CNTN5: variants seen among roughly 807,000 people sequenced by gnomAD.
The protein encoded by CNTN5 is contactin 5, also known as contactin-5.
In CNTN5, 77 loss-of-function variants were observed where a neutral mutation model predicts 129.1. That is an observed-to-expected ratio of 0.60 (90% confidence interval 0.50 to 0.72). The LOEUF (loss-of-function observed/expected upper bound fraction) is 0.72, where lower values mean the gene tolerates loss of function less well. Ranked by LOEUF, CNTN5 falls within the 30% of genes least tolerant of loss-of-function variation. The pLI, the probability that CNTN5 is intolerant of heterozygous loss-of-function variation, is 0.00. For synonymous variants in CNTN5, 509 were observed against 465.6 expected (o/e 1.09, Z -1.20); for missense variants, 1,478 against 1,328.8 (o/e 1.11, Z -1.75).
At chr11:99,538,464 G>T (rs959277746) in intron 2 of CNTN5, among the ~76,000 whole-genome samples, 1 of 152,002 alleles carries the variant, frequency 6.6e-6, no homozygotes, top group African/African-American at 2.4e-5. Context: ...AAAACTGTAG[G>T]CTTAAACACA....
intron 2 of CNTN5, among the ~76,000 whole-genome samples, chr11:99,462,700 A>G (rs780844197): frequency 6.6e-6 from 1 of 152,028 alleles, no homozygotes; most frequent in Admixed American, 6.5e-5. Flanking sequence ...TGAAACCTAT[A>G]CTGTAATTGT....
chr11:99,042,047 A>G (rs1367042655), intron 1 of CNTN5, among the ~76,000 whole-genome samples: 1 of 152,086 alleles, frequency 6.6e-6, no homozygotes, highest in Non-Finnish European at 1.5e-5. Context: ...AAATGTTGCC[A>G]TCAAATTTGT....
At chr11:99,189,649 T>C (rs1398716569) in intron 1 of CNTN5, among the ~76,000 whole-genome samples, 2 of 151,704 alleles carry the variant, frequency 1.3e-5, no homozygotes, top group African/African-American at 4.8e-5. Context: ...TCTATGATGA[T>C]TAGTTATTAG....
chr11:99,818,655 T>C (rs1565566109), intron 3 of CNTN5, among the ~76,000 whole-genome samples: 1 of 152,184 alleles, frequency 6.6e-6, no homozygotes, highest in Non-Finnish European at 1.5e-5. Flanking sequence ...TATTTCTCTT[T>C]AGAGTTCATC....
intron 4 of CNTN5, among the ~76,000 whole-genome samples, chr11:99,829,873 G>C (rs981226410): frequency 6.6e-6 from 1 of 152,064 alleles, no homozygotes; most frequent in Non-Finnish European, 1.5e-5. Context: ...ATATGCTTTC[G>C]GGGGACATAG....
chr11:99,265,031 G>A (rs1405439148), intron 1 of CNTN5, among the ~76,000 whole-genome samples: 1 of 151,838 alleles, frequency 6.6e-6, no homozygotes, highest in Non-Finnish European at 1.5e-5. Flanking sequence ...CCTGTTAAAT[G>A]TATTTAAGAG....
At chr11:99,535,552 A>G (rs1161647699) in intron 2 of CNTN5, among the ~76,000 whole-genome samples, 3 of 152,268 alleles carry the variant, frequency 2.0e-5, no homozygotes, top group Non-Finnish European at 2.9e-5. Flanking sequence ...CTCTGATTCA[A>G]TTGGTCTGGA....
intron 2 of CNTN5, among the ~76,000 whole-genome samples, chr11:99,376,939 G>C (rs1045602783): frequency 6.6e-5 from 10 of 152,170 alleles, no homozygotes; most frequent in African/African-American, 2.4e-4. Context: ...TGCAGGAAGA[G>C]AGACAATACA....
chr11:99,157,825 T>C (rs1027332041), intron 1 of CNTN5, among the ~76,000 whole-genome samples: 4 of 152,132 alleles, frequency 2.6e-5, no homozygotes, highest in Non-Finnish European at 5.9e-5. Flanking sequence ...AACAAATTCC[T>C]GGTTTCAGAA....
chr11:99,730,778 A>G (rs1943504473), intron 3 of CNTN5, among the ~76,000 whole-genome samples: 1 of 152,182 alleles, frequency 6.6e-6, no homozygotes, highest in Admixed American at 6.5e-5. Context: ...ATCACCTCAA[A>G]CATTTATAAT....
At position 99,618,736 on chromosome 11, in the gene CNTN5, G is replaced by A. The variant is rs368423750; in HGVS notation, c.55+62467G>A. 7.4e-4 allele frequency among the ~76,000 whole-genome samples: 112 copies of A among 152,126 alleles called. 1 individual carries two copies. The highest frequency in any genetic ancestry group is 2.6e-3 in the African/African-American group (109 of 41,510). On this transcript the variant is annotated intron_variant, in intron 3 of 24. Coordinates refer to ENST00000524871, the MANE Select transcript of CNTN5 (RefSeq NM_014361.4). ...GTTGCTGATTGTGTCTGTTATACCA[G>A]GCTAATACTTTCACTCTCAGAATAT...
intron 1 of CNTN5, among the ~76,000 whole-genome samples, chr11:99,263,589 G>T (rs80137430): frequency 0.083 from 12,669 of 151,962 alleles, 562 homozygotes; most frequent in South Asian, 0.12. Context: ...TGCTTTGGGG[G>T]AAAAAGGGAG....
In CNTN5 at chr11:100,314,829, A is replaced by C. The variant is rs113995056; in HGVS notation, c.2730+6361A>C. On this transcript the variant is annotated intron_variant, in intron 21 of 24. Coordinates refer to ENST00000524871, the MANE Select transcript of CNTN5 (RefSeq NM_014361.4). ...CTGATTTGGCTGCAGCCTGACTCTG[A>C]TTCTGACCCTAAGTTGGCAGTCAAA... 9.6e-3 allele frequency among the ~76,000 whole-genome samples: 1,462 copies of C among 152,154 alleles called. 21 individuals carry two copies. Among genetic ancestry groups the C allele is most frequent in the African/African-American group, 0.033 (1,384 of 41,526 alleles).
At chr11:99,974,687 A>G (rs969891220) in intron 8 of CNTN5, among the ~76,000 whole-genome samples, 21 of 152,204 alleles carry the variant, frequency 1.4e-4, no homozygotes, top group African/African-American at 4.8e-4. Flanking sequence ...GAATTCATCT[A>G]TAGGGAATGT....
At chr11:99,293,039 C>T (rs1267951064) in intron 1 of CNTN5, among the ~76,000 whole-genome samples, 2 of 152,086 alleles carry the variant, frequency 1.3e-5, no homozygotes, top group African/African-American at 4.8e-5. Flanking sequence ...GGGTTTTCAC[C>T]ATTCAATAAG....
At chr11:99,259,143 A>C (rs868098645) in intron 1 of CNTN5, among the ~76,000 whole-genome samples, 2 of 152,078 alleles carry the variant, frequency 1.3e-5, no homozygotes, top group Non-Finnish European at 2.9e-5. Context: ...ATATGTATGC[A>C]TAAGGTATCA....
At chr11:99,425,009 TG>T (rs1943056674) in intron 2 of CNTN5, among the ~76,000 whole-genome samples, 1 of 152,106 alleles carries the variant, frequency 6.6e-6, no homozygotes, top group Non-Finnish European at 1.5e-5. Context: ...AAACCCATAG[TG>T]GGTAGCTCCT....
intron 24 of CNTN5, 54 bp downstream of exon 24, chr11:100,350,924 G>A: frequency 7.3e-7 from 1 of 1,377,240 alleles, no homozygotes; most frequent in Non-Finnish European, 9.8e-7. Context: ...TTACGAGATG[G>A]TATGAAAGTC....
At chr11:99,446,456 T>G (rs1394603420) in intron 2 of CNTN5, among the ~76,000 whole-genome samples, 3 of 152,206 alleles carry the variant, frequency 2.0e-5, no homozygotes, top group Non-Finnish European at 4.4e-5. Flanking sequence ...ACCACTGATT[T>G]TATTATGACT....
Sources: gnomAD v4.1 joint callset for allele counts (sites outside exome capture counted in the v4.1 genomes callset) on GRCh38, gnomAD v4.1.1 for gene constraint, MANE v1.5 for transcripts, NCBI Gene and HGNC (gene_info 2026-07-23, HGNC 2026-07-21) for gene names.